The following ATP8A1 variants were observed in gnomAD, a reference collection of about 807,000 sequenced individuals.
ATP8A1 encodes phospholipid-transporting ATPase IA.
Under a neutral mutation model 177.7 loss-of-function variants are expected in ATP8A1, and 90 were observed. That is an observed-to-expected ratio of 0.51 (90% CI 0.43 to 0.60). ATP8A1 has a LOEUF of 0.60. Ranked by LOEUF, ATP8A1 falls within the 20% of genes least tolerant of loss-of-function variation. The probability of loss-of-function intolerance (pLI) is 0.00; values close to 1 mark genes in which losing one functional copy is unlikely to be tolerated. For missense variants in ATP8A1, 1,072 were observed against 1,392.8 expected (o/e 0.77, Z 3.67); for synonymous variants, 493 against 485.9 (o/e 1.01, Z -0.19).
chr4:42,413,144 T>G (rs1247125674), intron 36 of ATP8A1, 131 bp from the exon 37 acceptor site: 5 of 660,932 alleles, frequency 7.6e-6, no homozygotes, highest in Admixed American at 2.6e-5. Context: ...ATGGAGACAC[T>G]GATTTTTAAT....
chr4:42,646,413 T>C (rs1050704543), intron 1 of ATP8A1, among the ~76,000 whole-genome samples: 1 of 152,172 alleles, frequency 6.6e-6, no homozygotes, highest in African/African-American at 2.4e-5. Context: ...TAAATCTATG[T>C]GGGATTGAGG....
chr4:42,640,910 G>A (rs1045672396), intron 1 of ATP8A1, among the ~76,000 whole-genome samples: 3 of 151,744 alleles, frequency 2.0e-5, no homozygotes, highest in Admixed American at 1.3e-4. Context: ...GGAACATCAC[G>A]GACAGGTGGG....
intron 14 of ATP8A1, among the ~76,000 whole-genome samples, chr4:42,571,739 A>T (rs1335342170): frequency 6.6e-6 from 1 of 152,194 alleles, no homozygotes; most frequent in East Asian, 1.9e-4. Context: ...CCATAAAAAG[A>T]TCTAATGAAA....
chr4:42,451,334 G>A (rs188611158), intron 30 of ATP8A1, among the ~76,000 whole-genome samples: 4 of 152,314 alleles, frequency 2.6e-5, no homozygotes, highest in Admixed American at 6.5e-5. Flanking sequence ...CACGCTGAAT[G>A]GTTGGTGTCT....
At chr4:42,469,092 T>C (rs1315716107) in intron 25 of ATP8A1, among the ~76,000 whole-genome samples, 1 of 152,178 alleles carries the variant, frequency 6.6e-6, no homozygotes, top group Non-Finnish European at 1.5e-5. Context: ...GACCAGAATG[T>C]ACTGATTCCT....
chr4:42,413,111 G>T, intron 36 of ATP8A1, 98 bp from the exon 37 acceptor site: 2 of 895,618 alleles, frequency 2.2e-6, no homozygotes, highest in Non-Finnish European at 3.5e-6. Flanking sequence ...GGGAACAAAT[G>T]CAGCCTTCCC....
At position 42,423,640 on chromosome 4, in the gene ATP8A1, C is replaced by A; in HGVS notation, c.3189G>T (p.Leu1063=). 1 of 1,612,112 alleles carries A rather than the reference C, an allele frequency of 6.2e-7. No homozygotes were observed. The highest frequency in any genetic ancestry group is 8.5e-7 in the Non-Finnish European group (1 of 1,178,988). Residue 1063 remains leucine (L), a synonymous_variant, in exon 34 of 37, where the codon CTG becomes CTT. Transcript: ENST00000381668. ...MGLLFIPVAS[L]LLDVVYKVIK... The stretch of plus-strand genomic sequence containing the variant: ...ACACCTTGTACACCACATCAAGGAG[C>A]AGAGATGCCACAGGGATGAATAACA...
At chr4:42,425,817 C>T (rs947023291) in intron 33 of ATP8A1, among the ~76,000 whole-genome samples, 1 of 152,100 alleles carries the variant, frequency 6.6e-6, no homozygotes, top group African/African-American at 2.4e-5. Flanking sequence ...GACTGGTGCA[C>T]CAGGCCAAGT....
intron 27 of ATP8A1, among the ~76,000 whole-genome samples, chr4:42,461,428 G>C (rs1560350049): frequency 6.6e-6 from 1 of 152,016 alleles, no homozygotes; most frequent in Non-Finnish European, 1.5e-5. Flanking sequence ...TTGTGATAGT[G>C]AATAAGTCTC....
intron 35 of ATP8A1, among the ~76,000 whole-genome samples, chr4:42,417,517 C>T (rs1044068471): frequency 4.6e-5 from 7 of 152,080 alleles, no homozygotes; most frequent in African/African-American, 1.7e-4. Context: ...TTTCCAAACC[C>T]ACTAAAATGT....
At position 42,435,435 on chromosome 4, in the gene ATP8A1, A is replaced by C. The variant is rs1304049598; in HGVS notation, c.3123+8130T>G. Among the ~76,000 whole-genome samples the C allele has an allele frequency of 2.6e-3, 262 of 100,334 alleles. 8 individuals carry two copies. The highest frequency in any genetic ancestry group is 4.5e-3 in the African/African-American group (98 of 21,666). The allele number at this position is 100,334 out of a possible 152,430, so 65.8% of individuals were successfully genotyped here. On this transcript the variant is annotated intron_variant, in intron 33 of 36. Transcript: ENST00000381668. ...GAGCGAGACTTCATCTCAAAAAAAA[A>C]AAAAAAAAAAAAAACAAAAAAAAAA...
At chr4:42,443,240 G>A (rs1051225033) in intron 33 of ATP8A1, among the ~76,000 whole-genome samples, 1 of 152,168 alleles carries the variant, frequency 6.6e-6, no homozygotes, top group African/African-American at 2.4e-5. Flanking sequence ...TAATCAAAAT[G>A]TATTTGTGGC....
intron 5 of ATP8A1, 31 bp from the exon 6 acceptor site, chr4:42,600,549 A>G: frequency 1.9e-6 from 3 of 1,596,840 alleles, no homozygotes; most frequent in Non-Finnish European, 2.6e-6. Context: ...ATTTTAAACA[A>G]CATGTTTTAC....
intron 22 of ATP8A1, among the ~76,000 whole-genome samples, chr4:42,509,238 T>C (rs1204099526): frequency 6.6e-6 from 1 of 152,204 alleles, no homozygotes; most frequent in East Asian, 1.9e-4. Flanking sequence ...ACTGTATCTA[T>C]CTCTTACATG....
rs541956914 is a variant in ATP8A1, at chr4:42,585,613, T to C, written c.722+736A>G. ...CCCCAGTTTCCAGAACTGTGAGCAA[T>C]AAATTACTGTAATTCATAAATTACC... is the stretch of plus-strand genomic sequence containing the variant. On this transcript the variant is annotated intron_variant, in intron 9 of 36. Coordinates refer to ENST00000381668, the MANE Select transcript of ATP8A1 (RefSeq NM_006095.2). 3.3e-5 allele frequency among the ~76,000 whole-genome samples: 5 copies of C among 151,196 alleles called. No individual in the cohort carries two copies. In the East Asian group the frequency reaches 9.8e-4, roughly 29 times the overall value.
chr4:42,491,595 T>C (rs893372118), intron 24 of ATP8A1, among the ~76,000 whole-genome samples: 5 of 152,166 alleles, frequency 3.3e-5, no homozygotes, highest in Admixed American at 1.3e-4. Context: ...CACAGTTTCA[T>C]AGTGAAATAA....
intron 18 of ATP8A1, among the ~76,000 whole-genome samples, chr4:42,550,640 A>C (rs1479749498): frequency 6.6e-6 from 1 of 152,190 alleles, no homozygotes; most frequent in Non-Finnish European, 1.5e-5. Flanking sequence ...TAGAAAATAA[A>C]AGAAAAAGTG....
intron 2 of ATP8A1, 135 bp downstream of exon 2, chr4:42,626,860 G>A: frequency 1.5e-6 from 1 of 689,582 alleles, no homozygotes; most frequent in South Asian, 1.6e-5. Context: ...TGGGGAAACA[G>A]CCTATTCACA....
intron 9 of ATP8A1, among the ~76,000 whole-genome samples, chr4:42,584,953 C>G (rs1195937933): frequency 6.6e-6 from 1 of 152,158 alleles, no homozygotes; most frequent in Non-Finnish European, 1.5e-5. Flanking sequence ...ATCTGGCCCT[C>G]TATTTTCTCT....
Sources: gnomAD v4.1 joint callset for allele counts (sites outside exome capture counted in the v4.1 genomes callset) on GRCh38, gnomAD v4.1.1 for gene constraint, MANE v1.5 for transcripts, NCBI Gene and HGNC (gene_info 2026-07-23, HGNC 2026-07-21) for gene names.